The following DIP2C variants were observed in gnomAD, a reference collection of about 807,000 sequenced individuals.
DIP2C encodes DIP2 acetate--CoA ligase C (putative), also known as disco-interacting protein 2 homolog C.
A neutral mutation model predicts 192.4 loss-of-function variants in DIP2C; 33 were observed. The ratio of observed to expected loss-of-function variants is 0.17; its 90% confidence interval spans 0.13 to 0.23. The LOEUF (loss-of-function observed/expected upper bound fraction) is 0.23, where lower values mean the gene tolerates loss of function less well. Among genes scored for constraint, DIP2C ranks in the 10% least tolerant of loss-of-function variants. The pLI, the probability that DIP2C is intolerant of heterozygous loss-of-function variation, is 1.00. For missense variants in DIP2C, 1,537 were observed against 2,110.1 expected (o/e 0.73, Z 5.32); for synonymous variants, 979 against 864.1 (o/e 1.13, Z -2.33).
At chr10:293,949 A>C (rs1384561518) in intron 32 of DIP2C, among the ~76,000 whole-genome samples, 1 of 152,236 alleles carries the variant, frequency 6.6e-6, no homozygotes, top group Non-Finnish European at 1.5e-5. Flanking sequence ...CAATCACCCA[A>C]AAAATGAGCA....
intron 31 of DIP2C, 87 bp from the exon 32 acceptor site, chr10:310,179 T>G: frequency 3.9e-6 from 5 of 1,275,626 alleles, no homozygotes; most frequent in Non-Finnish European, 5.6e-6. Flanking sequence ...ACATTTCTTT[T>G]GTAAAATCTT....
intron 1 of DIP2C, among the ~76,000 whole-genome samples, chr10:522,349 CA>C (rs1299777486): frequency 6.6e-6 from 1 of 152,250 alleles, no homozygotes; most frequent in Non-Finnish European, 1.5e-5. Flanking sequence ...TGGTTGCTTT[CA>C]AGTTTTGGCA....
At chr10:379,825 C>G (rs1962161285) in intron 17 of DIP2C, among the ~76,000 whole-genome samples, 1 of 152,220 alleles carries the variant, frequency 6.6e-6, no homozygotes, top group Non-Finnish European at 1.5e-5. Flanking sequence ...ATACCAGGAG[C>G]AGGGGCTGTC....
At position 366,458 on chromosome 10, in the gene DIP2C, GGGAGAATAAA is replaced by G. The variant is rs1564620832; in HGVS notation, c.2132-57_2132-48del. The G allele has an allele frequency of 6.2e-6, 10 of 1,612,034 alleles. No individual in the cohort carries two copies. In the South Asian group the frequency reaches 1.1e-4, roughly 18 times the overall value. ...CATGCAGTGTGAGAGGGGGCAGGTG[GGGAGAATAAA>G]GGAAACAGGGAAGACGCGAATATGA... On this transcript the variant is annotated intron_variant, in intron 18 of 36. Transcript: ENST00000280886.
chr10:370,068 T>C (rs56287209), intron 17 of DIP2C: 2 of 983,708 alleles, frequency 2.0e-6, no homozygotes, highest in Non-Finnish European at 2.4e-6. Flanking sequence ...ACAAAACCAC[T>C]GAACAGCAAT....
intron 32 of DIP2C, among the ~76,000 whole-genome samples, chr10:300,415 A>C (rs1299477841): frequency 6.6e-6 from 1 of 152,252 alleles, no homozygotes; most frequent in East Asian, 1.9e-4. Flanking sequence ...CACAGGACTC[A>C]ACTTACATGA....
chr10:388,845 C>T (rs887055106), intron 13 of DIP2C, among the ~76,000 whole-genome samples: 3 of 152,198 alleles, frequency 2.0e-5, no homozygotes, highest in Non-Finnish European at 1.5e-5. Flanking sequence ...CACGCCGCAG[C>T]GGTGCCCTGT....
At chr10:672,495 A>G (rs1411295810) in intron 1 of DIP2C, among the ~76,000 whole-genome samples, 1 of 152,126 alleles carries the variant, frequency 6.6e-6, no homozygotes, top group African/African-American at 2.4e-5. Context: ...GGAGCCAGAG[A>G]TGAGCAGGTT....
At chr10:302,021 C>T (rs1047950747) in intron 32 of DIP2C, among the ~76,000 whole-genome samples, 1 of 152,110 alleles carries the variant, frequency 6.6e-6, no homozygotes, top group Admixed American at 6.5e-5. Context: ...ATTGTGAAAG[C>T]CCTACTGTCC....
At chr10:309,622 A>C (rs1956486364) in intron 32 of DIP2C, among the ~76,000 whole-genome samples, 4 of 150,262 alleles carry the variant, frequency 2.7e-5, no homozygotes, top group African/African-American at 9.9e-5. Context: ...GCAGAGGTGC[A>C]ATCTCAGCTC....
intron 2 of DIP2C, among the ~76,000 whole-genome samples, chr10:475,890 C>T (rs763613446): frequency 1.3e-5 from 2 of 152,158 alleles, no homozygotes; most frequent in Non-Finnish European, 2.9e-5. Context: ...CCACTGTCCC[C>T]GTCACAGGGA....
chr10:370,724 G>T (rs1159313986), intron 17 of DIP2C, among the ~76,000 whole-genome samples: 1 of 152,212 alleles, frequency 6.6e-6, no homozygotes, highest in Non-Finnish European at 1.5e-5. Flanking sequence ...GGTACACATT[G>T]TTTCTGTAAT....
chr10:302,591 G>T (rs1956104317), intron 32 of DIP2C, among the ~76,000 whole-genome samples: 1 of 152,180 alleles, frequency 6.6e-6, no homozygotes, highest in Non-Finnish European at 1.5e-5. Context: ...TCAGTCCATT[G>T]TGTCATCACG....
chr10:477,175 T>A (rs1447338138), intron 2 of DIP2C, among the ~76,000 whole-genome samples: 1 of 141,792 alleles, frequency 7.1e-6, no homozygotes, highest in Admixed American at 7.1e-5. Context: ...GAAACAGGCT[T>A]AGCAAAGTCA....
At chr10:647,940 TGGC>T (rs1778907146) in intron 1 of DIP2C, among the ~76,000 whole-genome samples, 2 of 147,118 alleles carry the variant, frequency 1.4e-5, no homozygotes, top group African/African-American at 2.5e-5. Context: ...CCACATTTGA[TGGC>T]GGGAGAGAAC....
chr10:535,265 G>A (rs1331395451), intron 1 of DIP2C, among the ~76,000 whole-genome samples: 1 of 152,008 alleles, frequency 6.6e-6, no homozygotes, highest in African/African-American at 2.4e-5. Flanking sequence ...TCCTCCCTTG[G>A]TAAGAGTCAG....
intron 1 of DIP2C, among the ~76,000 whole-genome samples, chr10:671,759 G>C (rs1331323729): frequency 4.2e-5 from 4 of 94,562 alleles, no homozygotes; most frequent in East Asian, 3.7e-4. Context: ...ACAGACGCAC[G>C]GACGGAGGAA....
intron 31 of DIP2C, among the ~76,000 whole-genome samples, chr10:319,136 C>G (rs2132378807): frequency 6.6e-6 from 1 of 152,230 alleles, no homozygotes; most frequent in South Asian, 2.1e-4. Flanking sequence ...TGGTCTCGAA[C>G]CCCTGACCTC....
chr10:558,838 T>G (rs972750381), intron 1 of DIP2C, among the ~76,000 whole-genome samples: 7 of 152,182 alleles, frequency 4.6e-5, no homozygotes, highest in Non-Finnish European at 1.0e-4. Context: ...TCAGTGAATC[T>G]GCTCTCCCAC....
Sources: gnomAD v4.1 joint callset for allele counts (sites outside exome capture counted in the v4.1 genomes callset) on GRCh38, gnomAD v4.1.1 for gene constraint, MANE v1.5 for transcripts, NCBI Gene and HGNC (gene_info 2026-07-23, HGNC 2026-07-21) for gene names.